AGBL1: variants seen among roughly 807,000 people sequenced by gnomAD.
AGBL1 encodes cytosolic carboxypeptidase 4.
AGBL1 carries 130 observed loss-of-function variants against 118.9 expected under a neutral mutation model. The observed-to-expected ratio is 1.09, with a 90% CI of 0.95 to 1.26. AGBL1 has a LOEUF of 1.26. Among genes scored for constraint, AGBL1 ranks in the 50% most tolerant of loss-of-function variants. AGBL1 has a pLI of 0.00. For synonymous variants in AGBL1, 555 were observed against 478.9 expected (o/e 1.16, Z -2.08); for missense variants, 1,584 against 1,298.1 (o/e 1.22, Z -3.38).
chr15:86,904,696 T>A (rs1435324382), intron 22 of AGBL1, among the ~76,000 whole-genome samples: 2 of 149,674 alleles, frequency 1.3e-5, no homozygotes, highest in African/African-American at 4.9e-5. Flanking sequence ...TATATATAAA[T>A]GACAAAACCA....
chr15:87,027,028 G>A (rs35326981), intron 24 of AGBL1, among the ~76,000 whole-genome samples: 2,429 of 152,012 alleles, frequency 0.016, 23 homozygotes, highest in South Asian at 0.055. Context: ...TACAAATAGC[G>A]TGCAGTGCAT....
intron 21 of AGBL1, among the ~76,000 whole-genome samples, chr15:86,584,664 CT>C (rs2084220496): frequency 1.3e-5 from 2 of 152,052 alleles, no homozygotes; most frequent in Admixed American, 1.3e-4. Flanking sequence ...GCTATTTGAG[CT>C]CTTTCTTGGT....
intron 23 of AGBL1, among the ~76,000 whole-genome samples, chr15:86,927,938 A>ATATG (rs386383699): frequency 6.6e-6 from 1 of 151,820 alleles, no homozygotes; most frequent in Non-Finnish European, 1.5e-5. Flanking sequence ...ATATATGCAT[A>ATATG]TATATATATA....
chr15:86,854,606 C>A (rs909478302), intron 22 of AGBL1, among the ~76,000 whole-genome samples: 2 of 152,130 alleles, frequency 1.3e-5, no homozygotes, highest in African/African-American at 4.8e-5. Context: ...TTTGCCTGAG[C>A]CAGTTTTCTA....
At chr15:86,485,623 T>C (rs1222227702) in intron 18 of AGBL1, among the ~76,000 whole-genome samples, 2 of 152,108 alleles carry the variant, frequency 1.3e-5, no homozygotes, top group Non-Finnish European at 2.9e-5. Flanking sequence ...TGACGCAAAA[T>C]ATACATCTGA....
intron 21 of AGBL1, among the ~76,000 whole-genome samples, chr15:86,652,236 C>A (rs2085385362): frequency 6.6e-6 from 1 of 152,252 alleles, no homozygotes; most frequent in Admixed American, 6.5e-5. Flanking sequence ...TGTTCTCTTT[C>A]AACTCAAGCA....
intron 22 of AGBL1, among the ~76,000 whole-genome samples, chr15:86,758,842 A>G (rs1346962237): frequency 1.3e-5 from 2 of 151,696 alleles, no homozygotes; most frequent in Non-Finnish European, 2.9e-5. Context: ...GCATGGTGGT[A>G]CATGCCTGGA....
intron 18 of AGBL1, among the ~76,000 whole-genome samples, chr15:86,464,822 T>C (rs1002299073): frequency 6.6e-6 from 1 of 152,130 alleles, no homozygotes; most frequent in Non-Finnish European, 1.5e-5. Context: ...CTTTTTAACA[T>C]GCTGCTGGAT....
At chr15:86,404,219 C>G (rs1013808974) in intron 18 of AGBL1, among the ~76,000 whole-genome samples, 5 of 152,130 alleles carry the variant, frequency 3.3e-5, no homozygotes, top group Non-Finnish European at 7.3e-5. Flanking sequence ...GCTATTCTTG[C>G]CCGGGATGAA....
chr15:86,250,941 G>A (rs960765003), intron 7 of AGBL1, among the ~76,000 whole-genome samples: 2 of 152,220 alleles, frequency 1.3e-5, no homozygotes, highest in Admixed American at 1.3e-4. Context: ...TGCTGCTGCT[G>A]CTATTGCTAC....
chr15:86,608,134 TG>T (rs1308374856), intron 21 of AGBL1, among the ~76,000 whole-genome samples: 2 of 152,222 alleles, frequency 1.3e-5, no homozygotes, highest in Admixed American at 6.5e-5. Flanking sequence ...TTTATAATCC[TG>T]CTAGTATGTG....
rs112525418 is a variant in AGBL1, at chr15:86,184,731, A to G, written c.488+25705A>G. Among the ~76,000 whole-genome samples, 546 of 152,262 alleles carry G rather than the reference A, an allele frequency of 3.6e-3. 2 individuals are homozygous for G. The highest frequency in any genetic ancestry group is 6.8e-3 in the Middle Eastern group (2 of 294). ...CTGCCCAAGGTAATTTATAGATTCAATGCCATCCTCATCAAGCTACCAATG... is the reference window on the plus strand; with the variant it reads ...CTGCCCAAGGTAATTTATAGATTCAGTGCCATCCTCATCAAGCTACCAATG... On this transcript the variant is annotated intron_variant, in intron 5 of 22. Coordinates refer to ENST00000614907, the MANE Select transcript of AGBL1 (RefSeq NM_001386094.1).
At chr15:87,008,542 C>A (rs768362167) in intron 24 of AGBL1, among the ~76,000 whole-genome samples, 1 of 152,092 alleles carries the variant, frequency 6.6e-6, no homozygotes, top group Non-Finnish European at 1.5e-5. Context: ...TAAATTGGTA[C>A]CAGTAGAGTG....
intron 22 of AGBL1, among the ~76,000 whole-genome samples, chr15:86,713,266 A>T (rs1411339137): frequency 6.6e-6 from 1 of 152,182 alleles, no homozygotes; most frequent in Non-Finnish European, 1.5e-5. Flanking sequence ...TTTATAGAAG[A>T]GTTTTACTGG....
intron 22 of AGBL1, among the ~76,000 whole-genome samples, chr15:86,763,075 C>T (rs552861478): frequency 3.3e-5 from 5 of 152,128 alleles, no homozygotes; most frequent in South Asian, 2.1e-4. Flanking sequence ...TTGCTGATCA[C>T]GTGATGTTTG....
chr15:86,688,733 C>T (rs938431149), intron 22 of AGBL1, among the ~76,000 whole-genome samples: 1 of 152,086 alleles, frequency 6.6e-6, no homozygotes, highest in Admixed American at 6.6e-5. Flanking sequence ...ACATAATAAA[C>T]TGCACATATT....
rs116590840 is a variant in AGBL1 at position 86,510,763 on chromosome 15, C to A, written c.2556-12047C>A. 5.0e-3 allele frequency among the ~76,000 whole-genome samples: 766 copies of A among 152,132 alleles called. 7 individuals are homozygous for A. Among genetic ancestry groups the A allele is most frequent in the African/African-American group, 0.018 (737 of 41,532 alleles). On this transcript the variant is annotated intron_variant, in intron 18 of 22. Transcript: ENST00000614907. ...AACAATCAATATTTCATAATTAAAC[C>A]TGTTGAATTCACAGTAATAAAGCTG...
intron 18 of AGBL1, among the ~76,000 whole-genome samples, chr15:86,420,702 G>A (rs932511190): frequency 7.9e-5 from 12 of 152,168 alleles, no homozygotes; most frequent in Non-Finnish European, 1.5e-4. Flanking sequence ...ATGCAAGGAA[G>A]CTAAGAACCT....
At chr15:86,351,305 T>A (rs886144303) in intron 17 of AGBL1, among the ~76,000 whole-genome samples, 13 of 152,300 alleles carry the variant, frequency 8.5e-5, no homozygotes, top group African/African-American at 3.1e-4. Context: ...CATTAATCCA[T>A]TAATGAGGGC....
Sources: gnomAD v4.1 joint callset for allele counts (sites outside exome capture counted in the v4.1 genomes callset) on GRCh38, gnomAD v4.1.1 for gene constraint, MANE v1.5 for transcripts, NCBI Gene and HGNC (gene_info 2026-07-23, HGNC 2026-07-21) for gene names.